C8orf34: variants seen among roughly 807,000 people sequenced by gnomAD.
The protein encoded by C8orf34 is chromosome 8 open reading frame 34, also known as uncharacterized protein C8orf34.
C8orf34 carries 65 observed loss-of-function variants against 68.3 expected under a neutral mutation model. The observed-to-expected ratio is 0.95, with a 90% confidence interval of 0.78 to 1.17. The LOEUF (loss-of-function observed/expected upper bound fraction) is 1.17. Ranked by LOEUF, C8orf34 falls within the 50% of genes most tolerant of loss-of-function variation. C8orf34 has a pLI of 0.00. For synonymous variants in C8orf34, 244 were observed against 241.2 expected (o/e 1.01, Z -0.11); for missense variants, 664 against 655.4 (o/e 1.01, Z -0.14).
At chr8:68,785,467 C>T (rs913744260) in intron 11 of C8orf34, among the ~76,000 whole-genome samples, 3 of 152,090 alleles carry the variant, frequency 2.0e-5, no homozygotes, top group South Asian at 2.1e-4. Flanking sequence ...ATTGTTAACC[C>T]GTACTCCTAT....
At chr8:68,693,317 G>A (rs1820735707) in intron 8 of C8orf34, among the ~76,000 whole-genome samples, 2 of 151,996 alleles carry the variant, frequency 1.3e-5, no homozygotes, top group Non-Finnish European at 1.5e-5. Flanking sequence ...AGGGCCCAGT[G>A]GAAGTGATGC....
At chr8:68,373,943 G>A (rs553345963) in intron 1 of C8orf34, among the ~76,000 whole-genome samples, 2 of 152,016 alleles carry the variant, frequency 1.3e-5, no homozygotes, top group African/African-American at 2.4e-5. Context: ...CTCAGATAGG[G>A]TCTTATCTGT....
At chr8:68,392,094 A>AT (rs1480821904) in intron 1 of C8orf34, among the ~76,000 whole-genome samples, 2 of 152,042 alleles carry the variant, frequency 1.3e-5, no homozygotes, top group Non-Finnish European at 2.9e-5. Context: ...ATTACTTTTC[A>AT]TTTTTTGCCA....
intron 3 of C8orf34, among the ~76,000 whole-genome samples, chr8:68,451,523 T>G (rs572903195): frequency 7.2e-5 from 11 of 152,182 alleles, no homozygotes; most frequent in African/African-American, 2.4e-4. Context: ...ATTGTACGGT[T>G]TTAGATTGGC....
chr8:68,496,236 A>C (rs1461475621), intron 5 of C8orf34, among the ~76,000 whole-genome samples: 3 of 152,184 alleles, frequency 2.0e-5, no homozygotes, highest in African/African-American at 7.2e-5. Context: ...GTTCATGAAG[A>C]CTGTATTTAT....
intron 4 of C8orf34, among the ~76,000 whole-genome samples, chr8:68,469,932 TTG>T (rs34106520): frequency 0.61 from 90,119 of 148,886 alleles, 27,026 homozygotes; most frequent in East Asian, 0.68. Context: ...ATTTGGTATT[TTG>T]TGTGTGTGTG....
intron 7 of C8orf34, among the ~76,000 whole-genome samples, chr8:68,620,790 T>C (rs1208581735): frequency 6.6e-6 from 1 of 151,704 alleles, no homozygotes; most frequent in Non-Finnish European, 1.5e-5. Context: ...TTAGCTTTTT[T>C]TTTTTCCCCC....
At chr8:68,684,848 C>A (rs972892495) in intron 8 of C8orf34, among the ~76,000 whole-genome samples, 1 of 151,710 alleles carries the variant, frequency 6.6e-6, no homozygotes, top group Non-Finnish European at 1.5e-5. Context: ...GGTCTTACTC[C>A]GTCACCCAGG....
intron 7 of C8orf34, among the ~76,000 whole-genome samples, chr8:68,636,540 G>T (rs1049387822): frequency 1.3e-5 from 2 of 151,934 alleles, no homozygotes; most frequent in Non-Finnish European, 2.9e-5. Context: ...AGCCGAGATC[G>T]CACCACTGCA....
intron 7 of C8orf34, among the ~76,000 whole-genome samples, chr8:68,629,026 T>C (rs1464528421): frequency 1.3e-5 from 2 of 152,024 alleles, no homozygotes; most frequent in Non-Finnish European, 2.9e-5. Context: ...AGCTTCCTAG[T>C]ACAAAAAGAA....
chr8:68,781,223 T>C (rs952521656), intron 11 of C8orf34, among the ~76,000 whole-genome samples: 5 of 152,196 alleles, frequency 3.3e-5, no homozygotes, highest in African/African-American at 9.7e-5. Context: ...AAATCACTGA[T>C]TGGTTGCATT....
intron 7 of C8orf34, among the ~76,000 whole-genome samples, chr8:68,541,491 G>GAAA (rs1815699763): frequency 6.6e-6 from 1 of 151,814 alleles, no homozygotes; most frequent in Admixed American, 6.6e-5. Flanking sequence ...AGAAGAATTA[G>GAAA]AGATAGAGAA....
At chr8:68,491,677 A>C (rs541773232) in intron 5 of C8orf34, among the ~76,000 whole-genome samples, 1 of 152,246 alleles carries the variant, frequency 6.6e-6, no homozygotes, top group African/African-American at 2.4e-5. Context: ...TTAATCATGC[A>C]AAGTCCTTTT....
intron 11 of C8orf34, among the ~76,000 whole-genome samples, chr8:68,783,255 C>A (rs1418860614): frequency 6.6e-6 from 1 of 152,142 alleles, no homozygotes; most frequent in Admixed American, 6.5e-5. Context: ...AATAGAGGCG[C>A]ACGCCTGTAA....
At chr8:68,606,817 C>T (rs532306275) in intron 7 of C8orf34, among the ~76,000 whole-genome samples, 4 of 152,018 alleles carry the variant, frequency 2.6e-5, no homozygotes, top group Non-Finnish European at 5.9e-5. Flanking sequence ...TCTCTGGTAC[C>T]ATAGCACTTA....
At chr8:68,551,345 T>C (rs1288042245) in intron 7 of C8orf34, among the ~76,000 whole-genome samples, 2 of 152,038 alleles carry the variant, frequency 1.3e-5, no homozygotes, top group Admixed American at 1.3e-4. Flanking sequence ...TTTTTATCTG[T>C]AACATTTCTT....
intron 10 of C8orf34, among the ~76,000 whole-genome samples, chr8:68,735,521 A>G (rs1345042105): frequency 2.0e-5 from 3 of 152,162 alleles, no homozygotes; most frequent in Admixed American, 2.0e-4. Flanking sequence ...AGTGCCTTTA[A>G]GGGCCTAAAA....
intron 1 of C8orf34, among the ~76,000 whole-genome samples, chr8:68,404,462 T>G (rs1809099664): frequency 1.3e-5 from 2 of 152,200 alleles, no homozygotes; most frequent in African/African-American, 2.4e-5. Flanking sequence ...GCCTATGTCC[T>G]GAATGGTATT....
chr8:68,576,300 G>T (rs944902880), intron 7 of C8orf34, among the ~76,000 whole-genome samples: 1 of 148,328 alleles, frequency 6.7e-6, no homozygotes, highest in Admixed American at 6.6e-5. Context: ...GAGGATTTGG[G>T]ACTTCAAATA....
Sources: allele counts gnomAD v4.1 joint callset (sites outside exome capture counted in the v4.1 genomes callset), GRCh38; gene constraint gnomAD v4.1.1; transcripts MANE v1.5; gene names NCBI Gene and HGNC (gene_info 2026-07-23, HGNC 2026-07-21).